RSPO3: variants seen among roughly 807,000 people sequenced by gnomAD.
RSPO3 encodes the protein R-spondin-3.
A neutral mutation model predicts 36.5 loss-of-function variants in RSPO3; 17 were observed. The ratio of observed to expected loss-of-function variants is 0.47; its 90% CI spans 0.32 to 0.70. The LOEUF (loss-of-function observed/expected upper bound fraction) is 0.70, where lower values mean the gene tolerates loss of function less well. RSPO3 is among the 30% of genes least tolerant of loss of function. The probability of loss-of-function intolerance (pLI) is 0.04; values close to 1 mark genes in which losing one functional copy is unlikely to be tolerated. For synonymous variants in RSPO3, 108 were observed against 107.0 expected (o/e 1.01, Z -0.06); for missense variants, 294 against 322.5 (o/e 0.91, Z 0.68).
chr6:127,187,401 G>A (rs1775318657), intron 4 of RSPO3, among the ~76,000 whole-genome samples: 1 of 151,878 alleles, frequency 6.6e-6, no homozygotes, highest in South Asian at 2.1e-4. Context: ...TTTTTTTAAG[G>A]GAACAATAAT....
chr6:127,145,170 T>G (rs1260719519), intron 1 of RSPO3, among the ~76,000 whole-genome samples: 4 of 152,156 alleles, frequency 2.6e-5, no homozygotes, highest in Non-Finnish European at 5.9e-5. Flanking sequence ...ATTCACTGGC[T>G]GGACCTAGAA....
At chr6:127,144,593 T>C (rs561357830) in intron 1 of RSPO3, among the ~76,000 whole-genome samples, 111 of 151,806 alleles carry the variant, frequency 7.3e-4, no homozygotes, top group African/African-American at 2.6e-3. Context: ...AAATGTCCCC[T>C]ATTTTGCATG....
At chr6:127,128,628 A>G (rs1394156898) in intron 1 of RSPO3, among the ~76,000 whole-genome samples, 2 of 152,136 alleles carry the variant, frequency 1.3e-5, no homozygotes, top group Non-Finnish European at 2.9e-5. Flanking sequence ...GATAGATGTC[A>G]TTTGAACAAA....
At chr6:127,139,605 C>A (rs1364323538) in intron 1 of RSPO3, among the ~76,000 whole-genome samples, 2 of 151,282 alleles carry the variant, frequency 1.3e-5, no homozygotes, top group Non-Finnish European at 1.5e-5. Context: ...CTAATTATTT[C>A]TAACCTTAAA....
intron 1 of RSPO3, among the ~76,000 whole-genome samples, chr6:127,137,458 G>T (rs940075978): frequency 6.6e-6 from 1 of 152,080 alleles, no homozygotes; most frequent in Non-Finnish European, 1.5e-5. Context: ...CATGATATTT[G>T]TTTTACTAGA....
intron 1 of RSPO3, among the ~76,000 whole-genome samples, chr6:127,147,533 G>C (rs1225515028): frequency 6.6e-6 from 1 of 152,004 alleles, no homozygotes; most frequent in Non-Finnish European, 1.5e-5. Flanking sequence ...GAACACATTA[G>C]GAAAAGAAAT....
At chr6:127,170,912 CTT>C (rs1255612756) in intron 4 of RSPO3, among the ~76,000 whole-genome samples, 1 of 151,758 alleles carries the variant, frequency 6.6e-6, no homozygotes, top group Non-Finnish European at 1.5e-5. Flanking sequence ...TGGATACAGA[CTT>C]TTCAAATTTT....
intron 4 of RSPO3, among the ~76,000 whole-genome samples, chr6:127,182,188 G>C (rs985302557): frequency 1.1e-4 from 16 of 151,782 alleles, no homozygotes; most frequent in Admixed American, 5.9e-4. Flanking sequence ...CCATGAGAAT[G>C]GCACCAAGTC....
At chr6:127,172,488 TA>T (rs1418639451) in intron 4 of RSPO3, among the ~76,000 whole-genome samples, 4 of 151,520 alleles carry the variant, frequency 2.6e-5, no homozygotes, top group African/African-American at 9.7e-5. Context: ...ATACAATGAT[TA>T]AAATGGAAAT....
At chr6:127,151,637 CT>C (rs1774493035) in intron 3 of RSPO3, among the ~76,000 whole-genome samples, 1 of 151,900 alleles carries the variant, frequency 6.6e-6, no homozygotes, top group African/African-American at 2.4e-5. Flanking sequence ...TACCGTAGCA[CT>C]TTTATTTCTA....
At chr6:127,121,595 G>A (rs1476224167) in intron 1 of RSPO3, among the ~76,000 whole-genome samples, 7 of 152,168 alleles carry the variant, frequency 4.6e-5, no homozygotes, top group African/African-American at 1.7e-4. Context: ...CGTCCTCGGA[G>A]GAGACAGACT....
chr6:127,182,932 A>T (rs1775218716), intron 4 of RSPO3, among the ~76,000 whole-genome samples: 1 of 152,052 alleles, frequency 6.6e-6, no homozygotes, highest in Non-Finnish European at 1.5e-5. Flanking sequence ...TGCTTGCTAT[A>T]GAAGATAATT....
chr6:127,167,639 C>G (rs919613040), intron 4 of RSPO3, among the ~76,000 whole-genome samples: 6 of 151,746 alleles, frequency 4.0e-5, no homozygotes, highest in African/African-American at 1.5e-4. Flanking sequence ...ACTTTAAGTT[C>G]TAGGGTACAT....
intron 3 of RSPO3, among the ~76,000 whole-genome samples, chr6:127,152,615 C>A (rs191558020): frequency 6.6e-6 from 1 of 152,084 alleles, no homozygotes. Flanking sequence ...CTAAAATCCA[C>A]ACCGTATTTC....
chr6:127,122,414 A>G (rs562917579), intron 1 of RSPO3, among the ~76,000 whole-genome samples: 11 of 152,318 alleles, frequency 7.2e-5, no homozygotes, highest in African/African-American at 2.6e-4. Flanking sequence ...CCATAATGAT[A>G]GCCACAGAAT....
At chr6:127,179,970 T>G (rs1775148195) in intron 4 of RSPO3, among the ~76,000 whole-genome samples, 1 of 151,860 alleles carries the variant, frequency 6.6e-6, no homozygotes, top group Non-Finnish European at 1.5e-5. Context: ...AATCTCTGCA[T>G]CTCATGGTCA....
At chr6:127,125,946 C>T (rs1773931374) in intron 1 of RSPO3, among the ~76,000 whole-genome samples, 1 of 151,982 alleles carries the variant, frequency 6.6e-6, no homozygotes. Flanking sequence ...GAAAATAAGG[C>T]CCTAGGCTAC....
At chr6:127,161,535 C>T (rs1026880612) in intron 4 of RSPO3, among the ~76,000 whole-genome samples, 3 of 151,936 alleles carry the variant, frequency 2.0e-5, no homozygotes, top group South Asian at 2.1e-4. Context: ...TAACGGTGGT[C>T]GAAAATCATG....
Position 127,148,822 on chromosome 6 carries a change from A to C in RSPO3, c.272A>C (p.Asp91Ala). ...GGATATTATGGAACTCGATATCCAGATATAAATAAGTGTACAAGTAAGTGC... is the reference window on the plus strand; with the variant it reads ...GGATATTATGGAACTCGATATCCAGCTATAAATAAGTGTACAAGTAAGTGC... ...PSGYYGTRYP[D>A]INKCTKCKAD... is the part of the protein sequence containing the mutation. Residue 91 changes from aspartate (D) to alanine (A), a missense_variant, in exon 2 of 5, where the codon GAT becomes GCT. Physicochemically the swap from Asp to Ala is moderately radical, Grantham distance 126. Coordinates refer to ENST00000356698, the MANE Select transcript of RSPO3 (RefSeq NM_032784.5). 1 of 1,611,794 alleles carries C rather than the reference A, an allele frequency of 6.2e-7. No individual in the cohort carries two copies. Among genetic ancestry groups the C allele is most frequent in the African/African-American group, 1.3e-5 (1 of 74,982 alleles).
Sources: gnomAD v4.1 joint callset for allele counts (sites outside exome capture counted in the v4.1 genomes callset) on GRCh38, gnomAD v4.1.1 for gene constraint, MANE v1.5 for transcripts, NCBI Gene and HGNC (gene_info 2026-07-23, HGNC 2026-07-21) for gene names.